Variants in MYT1L observed in about 807,000 individuals in gnomAD.
The protein encoded by MYT1L is myelin transcription factor 1 like, also known as myelin transcription factor 1-like protein.
Under a neutral mutation model 126.7 loss-of-function variants are expected in MYT1L, and 12 were observed. That is an observed-to-expected ratio of 0.09 (90% CI 0.06 to 0.15). The LOEUF (loss-of-function observed/expected upper bound fraction) is 0.15, where lower values mean the gene tolerates loss of function less well. MYT1L is among the 10% of genes least tolerant of loss of function. The pLI, the probability that MYT1L is intolerant of heterozygous loss-of-function variation, is 1.00. For missense variants in MYT1L, 979 were observed against 1,585.2 expected (o/e 0.62, Z 6.49); for synonymous variants, 541 against 604.2 (o/e 0.90, Z 1.53).
rs187769969 is a variant in MYT1L, at chr2:2,236,697, G to T, written c.-421+47707C>A. On this transcript the variant is annotated intron_variant, in intron 2 of 24. Coordinates refer to ENST00000647738, the MANE Select transcript of MYT1L (RefSeq NM_001303052.2). ...CCCAACCCAACCCAGTACATCACAC[G>T]GCACATTCCAATATTCCTTCAGCCT... Among the ~76,000 whole-genome samples the T allele has an allele frequency of 2.7e-5, 4 of 148,368 alleles. No homozygotes were observed. The East Asian group carries it at 5.9e-4, about 22-fold the overall frequency.
intron 1 of MYT1L, among the ~76,000 whole-genome samples, chr2:2,285,154 G>T (rs2095501410): frequency 6.6e-6 from 1 of 152,228 alleles, no homozygotes; most frequent in South Asian, 2.1e-4. Context: ...TGAGCTGGAG[G>T]TGAGCTCCAT....
intron 3 of MYT1L, among the ~76,000 whole-genome samples, chr2:2,138,561 G>A (rs1406557183): frequency 1.4e-5 from 2 of 144,236 alleles, no homozygotes; most frequent in Non-Finnish European, 1.5e-5. Context: ...GGATGAAATT[G>A]GAAATCATCA....
At chr2:1,830,414 C>G (rs2039979085) in intron 21 of MYT1L, among the ~76,000 whole-genome samples, 1 of 152,172 alleles carries the variant, frequency 6.6e-6, no homozygotes, top group Admixed American at 6.5e-5. Context: ...AAGTCCTGAA[C>G]AGCCTCCACT....
chr2:2,321,409 G>A (rs923331932), intron 1 of MYT1L, among the ~76,000 whole-genome samples: 26 of 152,238 alleles, frequency 1.7e-4, no homozygotes, highest in Admixed American at 5.2e-4. Context: ...GTTTCATGGC[G>A]ACAATGCTCT....
At chr2:2,077,694 T>C (rs1015983046) in intron 3 of MYT1L, among the ~76,000 whole-genome samples, 2 of 151,960 alleles carry the variant, frequency 1.3e-5, no homozygotes, top group African/African-American at 4.8e-5. Flanking sequence ...CTTCAAAGAG[T>C]TGAAAGACTA....
At chr2:2,227,277 A>G (rs1374785132) in intron 2 of MYT1L, among the ~76,000 whole-genome samples, 1 of 152,126 alleles carries the variant, frequency 6.6e-6, no homozygotes, top group Non-Finnish European at 1.5e-5. Flanking sequence ...ATGACTCCCA[A>G]AGCGTATTTC....
chr2:2,100,439 CTG>C (rs2077924181), intron 3 of MYT1L, among the ~76,000 whole-genome samples: 1 of 151,974 alleles, frequency 6.6e-6, no homozygotes, highest in Non-Finnish European at 1.5e-5. Context: ...AGATTTGTGT[CTG>C]AGTTCCCAGA....
chr2:2,062,010 CA>C (rs543887472), intron 3 of MYT1L, among the ~76,000 whole-genome samples: 143 of 152,320 alleles, frequency 9.4e-4, no homozygotes, highest in African/African-American at 3.2e-3. Flanking sequence ...GTCTCTACCA[CA>C]GGGGGCTGCG....
chr2:2,314,766 A>G (rs547950661), intron 1 of MYT1L, among the ~76,000 whole-genome samples: 2 of 152,278 alleles, frequency 1.3e-5, no homozygotes, highest in South Asian at 2.1e-4. Flanking sequence ...ATGCTACCCA[A>G]CTTCAAACTA....
At position 2,126,734 on chromosome 2, in the gene MYT1L, A is replaced by G. The variant is rs563479050; in HGVS notation, c.-304+46138T>C. 2.3e-3 allele frequency among the ~76,000 whole-genome samples: 353 copies of G among 152,326 alleles called. 1 individual carries two copies. Among genetic ancestry groups the G allele is most frequent in the African/African-American group, 7.6e-3 (316 of 41,582 alleles). On this transcript the variant is annotated intron_variant, in intron 3 of 24. Coordinates refer to ENST00000647738, the MANE Select transcript of MYT1L (RefSeq NM_001303052.2). ...GGAGGCAAGGGCTGGGCCTGCTGCC[A>G]CAGAAGTGCCCCAAGTGCCAAGGCT...
At chr2:2,083,079 C>T (rs573247966) in intron 3 of MYT1L, among the ~76,000 whole-genome samples, 1 of 152,330 alleles carries the variant, frequency 6.6e-6, no homozygotes, top group African/African-American at 2.4e-5. Flanking sequence ...TGAGCTTGCA[C>T]ACACCTAGAA....
chr2:1,855,295 A>T (rs1188656665), intron 18 of MYT1L, among the ~76,000 whole-genome samples: 1 of 152,206 alleles, frequency 6.6e-6, no homozygotes, highest in East Asian at 1.9e-4. Context: ...TCGATTTACA[A>T]ACACGCGATT....
chr2:1,949,044 A>G (rs2057493519), intron 8 of MYT1L, among the ~76,000 whole-genome samples: 1 of 152,230 alleles, frequency 6.6e-6, no homozygotes, highest in Non-Finnish European at 1.5e-5. Flanking sequence ...TATGATCACT[A>G]GTAAGATCAC....
At chr2:1,823,495 G>A (rs1348171626) in intron 21 of MYT1L, among the ~76,000 whole-genome samples, 1 of 152,200 alleles carries the variant, frequency 6.6e-6, no homozygotes, top group East Asian at 1.9e-4. Context: ...ACGCTGGAGG[G>A]CAGCCTCTGA....
intron 2 of MYT1L, among the ~76,000 whole-genome samples, chr2:2,242,627 G>T (rs76408493): frequency 6.6e-6 from 1 of 152,306 alleles, no homozygotes; most frequent in East Asian, 1.9e-4. Flanking sequence ...ATTTCAGAAA[G>T]AAGCAGGCAG....
intron 2 of MYT1L, among the ~76,000 whole-genome samples, chr2:2,266,712 T>C (rs1390839320): frequency 1.3e-5 from 2 of 152,174 alleles, no homozygotes; most frequent in African/African-American, 4.8e-5. Flanking sequence ...GGGAGGGACC[T>C]GGTGAGAGAT....
rs772091190 is a variant in MYT1L, at chr2:2,224,319, C to T, written c.-420-51331G>A. Among the ~76,000 whole-genome samples the T allele has an allele frequency of 1.9e-4, 29 of 152,136 alleles. No individual in the cohort carries two copies. The highest frequency in any genetic ancestry group is 2.2e-4 in the African/African-American group (9 of 41,504). On this transcript the variant is annotated intron_variant, in intron 2 of 24. Coordinates refer to ENST00000647738, the MANE Select transcript of MYT1L (RefSeq NM_001303052.2). The surrounding 1 kb of genome is among the most constrained non-coding windows in gnomAD (Gnocchi z 4.0). ...GATGGCACCCAGAAAGGAGGCGTGG[C>T]GAGACCTTCCAGCAGACAGCAAAGG...
intron 2 of MYT1L, among the ~76,000 whole-genome samples, chr2:2,213,874 A>C (rs2093602943): frequency 6.6e-6 from 1 of 152,210 alleles, no homozygotes; most frequent in Admixed American, 6.5e-5. Context: ...GTGAGGAGAA[A>C]AATCAATCAA....
chr2:1,804,680 C>A (rs2035408563), intron 22 of MYT1L, among the ~76,000 whole-genome samples: 1 of 152,210 alleles, frequency 6.6e-6, no homozygotes, highest in South Asian at 2.1e-4. Flanking sequence ...GTGAACCCAG[C>A]CAGCGCTGGT....
Sources: allele counts gnomAD v4.1 joint callset (sites outside exome capture counted in the v4.1 genomes callset), GRCh38; gene constraint gnomAD v4.1.1; non-coding constraint Gnocchi (gnomAD v3.1); transcripts MANE v1.5; gene names NCBI Gene and HGNC (gene_info 2026-07-23, HGNC 2026-07-21).